Variants in ESPL1 observed in about 807,000 individuals in gnomAD.
ESPL1 encodes extra spindle pole bodies like 1, separase.
A neutral mutation model predicts 217.2 loss-of-function variants in ESPL1; 50 were observed. The ratio of observed to expected loss-of-function variants is 0.23; its 90% CI spans 0.18 to 0.29. The LOEUF is 0.29. Ranked by LOEUF, ESPL1 falls within the 10% of genes least tolerant of loss-of-function variation. The pLI, the probability that ESPL1 is intolerant of heterozygous loss-of-function variation, is 1.00. For synonymous variants in ESPL1, 994 were observed against 1,081.3 expected (o/e 0.92, Z 1.58); for missense variants, 1,834 against 2,603.0 (o/e 0.70, Z 6.43).
At chr12:53,273,855 T>G (rs1202585557) in intron 6 of ESPL1, among the ~76,000 whole-genome samples, 4 of 115,788 alleles carry the variant, frequency 3.5e-5, no homozygotes, top group Non-Finnish European at 5.4e-5. Flanking sequence ...TTTTTTTTTT[T>G]TTTTTTTTTT....
At chr12:53,271,944 G>A (rs988318870) in intron 5 of ESPL1, among the ~76,000 whole-genome samples, 12 of 151,540 alleles carry the variant, frequency 7.9e-5, no homozygotes, top group East Asian at 2.0e-4. Flanking sequence ...AAAATTAGCC[G>A]GGCGTGGTGG....
chr12:53,278,369 C>T (rs1943806355), intron 11 of ESPL1, among the ~76,000 whole-genome samples: 1 of 151,718 alleles, frequency 6.6e-6, no homozygotes, highest in South Asian at 2.1e-4. Flanking sequence ...CCCAGCTACT[C>T]AGGTGGCTGA....
At chr12:53,290,553 C>G in intron 24 of ESPL1, 84 bp downstream of exon 24, 1 of 1,487,838 alleles carries the variant, frequency 6.7e-7, no homozygotes, top group Non-Finnish European at 9.3e-7. Flanking sequence ...CGGCCTGGGT[C>G]AGTGCTAAAG....
chr12:53,288,534 C>G lies in ESPL1; in HGVS notation c.4547-4C>G. The G allele has an allele frequency of 6.2e-7, 1 of 1,607,596 alleles. No homozygotes were observed. Among genetic ancestry groups the G allele is most frequent in the Non-Finnish European group, 8.5e-7 (1 of 1,177,656 alleles). On this transcript the variant is annotated splice_region_variant and splice_polypyrimidine_tract_variant and intron_variant, in intron 19 of 30. Coordinates refer to ENST00000257934, the MANE Select transcript of ESPL1 (RefSeq NM_012291.5). ...ACTGTGAAAAAGGCCTGCTCTCTCC[C>G]CAGGTGGGAAGACTCCAGCTCCGGG...
chr12:53,293,028 G>A lies in ESPL1; in HGVS notation c.6161+58G>A. On this transcript the variant is annotated intron_variant, in intron 30 of 30. Transcript: ENST00000257934. The surrounding 1 kb of genome is among the most constrained non-coding windows in gnomAD (Gnocchi z 4.2). ...CATTAGGACTCCTGCCCTCACCCCAGGTTCTTTCCCAGGTCTGAATCTTGC... is the reference window on the plus strand; with the variant it reads ...CATTAGGACTCCTGCCCTCACCCCAAGTTCTTTCCCAGGTCTGAATCTTGC... The A allele has an allele frequency of 1.3e-6, 2 of 1,523,226 alleles. No homozygotes were observed. The highest frequency in any genetic ancestry group is 4.5e-5 in the East Asian group (2 of 44,312). 94.4% of individuals were successfully genotyped at this position (1,523,226 alleles called of 1,614,324 possible). A position where few individuals can be genotyped will look rare whatever the true frequency, so the allele number is the denominator to read the frequency against.
At position 53,292,716 on chromosome 12, in the gene ESPL1, G is replaced by T; in HGVS notation, c.5996+59G>T. On this transcript the variant is annotated intron_variant, in intron 29 of 30. Coordinates refer to ENST00000257934, the MANE Select transcript of ESPL1 (RefSeq NM_012291.5). This position sits in a 1 kb window ranked among gnomAD's most constrained non-coding sequence, Gnocchi z 4.5. ...GCAGTCCTGAGGATGGTATCACCAT[G>T]GGTTGCTTTGGGACTTGAGAGCCTC... 1 of 1,598,846 alleles carries T rather than the reference G, an allele frequency of 6.3e-7. No individual in the cohort carries two copies.
In ESPL1 at chr12:53,277,564, G is replaced by A. The variant is rs759588323; in HGVS notation, c.2180G>A (p.Arg727His). 1.2e-5 allele frequency: 19 copies of A among 1,614,148 alleles called. No individual in the cohort carries two copies. Among genetic ancestry groups the A allele is most frequent in the African/African-American group, 6.7e-5 (5 of 75,050 alleles). The change falls in exon 10 of 31, where the codon CGT (arginine) becomes CAT (histidine). Residue 727 changes from arginine to histidine, a missense_variant. By Grantham distance (29) the Arg-to-His change is conservative (BLOSUM62 0). This residue lies in a region of ESPL1 where 746 missense variants were observed against 1,077.0 expected (regional missense o/e 0.69). Transcript: ENST00000257934. ...TATGAAGATAAACTCCAGGAAGATC[G>A]TTTCCTATACAGTAACATTGCCTTC... ...LNYEDKLQED[R>H]FLYSNIAFNL... is the part of the protein sequence containing the mutation.
intron 1 of ESPL1, 72 bp downstream of exon 1, chr12:53,268,449 A>G: frequency 3.1e-6 from 1 of 323,968 alleles, no homozygotes; most frequent in South Asian, 4.0e-5. Context: ...TGACGCGAGG[A>G]GAGGCGTGGG....
At chr12:53,268,607 T>C in intron 1 of ESPL1, 148 bp from the exon 2 acceptor site, 1 of 602,966 alleles carries the variant, frequency 1.7e-6, no homozygotes, top group South Asian at 2.0e-5. Context: ...CGTCCTTTTA[T>C]AACGGGAGCA....
chr12:53,288,422 A>G, intron 19 of ESPL1, 81 bp downstream of exon 19: 1 of 1,524,084 alleles, frequency 6.6e-7, no homozygotes, highest in Admixed American at 2.2e-5. Context: ...AGTGCTGCCA[A>G]GGAAGTACAG....
chr12:53,277,443 G>T, intron 9 of ESPL1, 27 bp from the exon 10 acceptor site: 2 of 1,609,820 alleles, frequency 1.2e-6, no homozygotes, highest in Non-Finnish European at 1.7e-6. Context: ...ACTGTGCCCT[G>T]TTTTATACCC....
Position 53,292,694 on chromosome 12 carries a change from G to T in ESPL1, c.5996+37G>T. The T allele has an allele frequency of 1.2e-6, 2 of 1,600,344 alleles. No homozygotes were observed. Among genetic ancestry groups the T allele is most frequent in the Non-Finnish European group, 1.7e-6 (2 of 1,168,774 alleles). ...AGGCAGGGATGTGGGGAGAGGGGCA[G>T]TCCTGAGGATGGTATCACCATGGGT... On this transcript the variant is annotated intron_variant, in intron 29 of 30. Coordinates refer to ENST00000257934, the MANE Select transcript of ESPL1 (RefSeq NM_012291.5). The surrounding 1 kb of genome is among the most constrained non-coding windows in gnomAD (Gnocchi z 4.5).
At chr12:53,279,667 G>T in intron 11 of ESPL1, 65 bp from the exon 12 acceptor site, 1 of 1,605,350 alleles carries the variant, frequency 6.2e-7, no homozygotes, top group African/African-American at 1.3e-5. Context: ...AAGGGCTGGG[G>T]AGCAGAGGGT....
intron 18 of ESPL1, 122 bp downstream of exon 18, chr12:53,287,034 T>C: frequency 1.1e-6 from 1 of 928,796 alleles, no homozygotes; most frequent in East Asian, 2.5e-5. Context: ...GGAACTTTAA[T>C]CTCCTGCTAT....
chr12:53,271,609 C>T (rs907995201), intron 5 of ESPL1, among the ~76,000 whole-genome samples: 5 of 151,438 alleles, frequency 3.3e-5, no homozygotes, highest in African/African-American at 1.2e-4. Context: ...TGCAGTGAGC[C>T]AAGATTGCAC....
chr12:53,277,581 A>G lies in ESPL1; in HGVS notation c.2197A>G (p.Ile733Val), dbSNP rs763931208. 6.2e-7 allele frequency: 1 copy of G among 1,614,186 alleles called. No homozygotes were observed. The highest frequency in any genetic ancestry group is 8.5e-7 in the Non-Finnish European group (1 of 1,180,018). The change falls in exon 10 of 31, where the codon ATT becomes GTT. Residue 733 changes from isoleucine to valine, a missense_variant. Physicochemically the swap from Ile to Val is conservative, Grantham distance 29 (BLOSUM62 3). Around this residue, in one of 5 missense-constraint regions of ESPL1, gnomAD observed 746 missense variants for 1,077.0 expected, o/e 0.69. Coordinates refer to ENST00000257934, the MANE Select transcript of ESPL1 (RefSeq NM_012291.5). ...GGAAGATCGTTTCCTATACAGTAAC[A>G]TTGCCTTCAACCTGGCTGCAGATGC... The part of the protein sequence containing the change: ...LQEDRFLYSN[I>V]AFNLAADAAQ...
chr12:53,270,308 C>T (rs562347445), intron 3 of ESPL1, 70 bp from the exon 4 acceptor site: 61 of 1,177,486 alleles, frequency 5.2e-5, no homozygotes, highest in East Asian at 4.7e-4. Context: ...TCCAGGACTC[C>T]GGGTCAGTCT....
In ESPL1 at chr12:53,276,764, C is replaced by A. The variant is rs1298055408; in HGVS notation, c.1845C>A (p.Pro615=). 1 of 1,613,800 alleles carries A rather than the reference C, an allele frequency of 6.2e-7. No individual in the cohort carries two copies. Among genetic ancestry groups the A allele is most frequent in the Non-Finnish European group, 8.5e-7 (1 of 1,180,022 alleles). ...TCTGTGACCTCCTGGAGCTGAGCCC[C>A]GAGGAGACACCAGCCGGGGCCTGGG... The part of the protein sequence containing the change: ...NIICDLLELS[P]EETPAGAWAR... Residue 615 remains proline (P), a synonymous_variant, in exon 8 of 31, where the codon CCC becomes CCA. Coordinates refer to ENST00000257934, the MANE Select transcript of ESPL1 (RefSeq NM_012291.5).
At position 53,269,720 on chromosome 12, in the gene ESPL1, C is replaced by A. The variant is rs142300200; in HGVS notation, c.778C>A (p.Arg260Ser). The A allele has an allele frequency of 1.2e-6, 2 of 1,614,064 alleles. No homozygotes were observed. The highest frequency in any genetic ancestry group is 2.7e-5 in the African/African-American group (2 of 74,936). The change falls in exon 3 of 31, where the codon CGT (arginine) becomes AGT (serine). Residue 260 changes from arginine (R) to serine (S), a missense_variant. Arg to Ser is a moderately radical substitution (Grantham distance 110). This residue lies in a region of ESPL1 where 746 missense variants were observed against 1,077.0 expected (regional missense o/e 0.69). Transcript: ENST00000257934. The surrounding 1 kb of genome is among the most constrained non-coding windows in gnomAD (Gnocchi z 6.7). The stretch of plus-strand genomic sequence containing the variant: ...CTTGGAGCTCACCTTGGAACACTGC[C>A]GTCGCTTTTGCTGGAGCCGCCACCA... ...CLLELTLEHC[R>S]RFCWSRHHDK...
Sources: allele counts gnomAD v4.1 joint callset (sites outside exome capture counted in the v4.1 genomes callset), GRCh38; gene constraint gnomAD v4.1.1; regional missense constraint gnomAD v4.1.1; non-coding constraint Gnocchi (gnomAD v3.1); transcripts MANE v1.5; gene names NCBI Gene and HGNC (gene_info 2026-07-23, HGNC 2026-07-21).